TYRO3: variants seen among roughly 807,000 people sequenced by gnomAD.
The protein encoded by TYRO3 is TYRO3 protein tyrosine kinase.
TYRO3 carries 38 observed loss-of-function variants against 95.2 expected under a neutral mutation model. That is an observed-to-expected ratio of 0.40 (90% confidence interval 0.31 to 0.52). The LOEUF (loss-of-function observed/expected upper bound fraction) is 0.52. Ranked by LOEUF, TYRO3 falls within the 20% of genes least tolerant of loss-of-function variation. The pLI is 0.56. For missense variants in TYRO3, 812 were observed against 1,116.4 expected, an observed-to-expected ratio of 0.73 and a Z score of 3.89; for synonymous variants, 367 against 432.9, an observed-to-expected ratio of 0.85 and a Z score of 1.89.
chr15:41,561,455 G>A (rs1595498642), intron 2 of TYRO3, 84 bp from the exon 3 acceptor site: 2 of 1,507,058 alleles, frequency 1.3e-6, no homozygotes, highest in East Asian at 4.9e-5. Flanking sequence ...TTCCAGAAGT[G>A]GGGGCAGGCT....
chr15:41,563,497 C>T (rs955887906), intron 4 of TYRO3, among the ~76,000 whole-genome samples: 5 of 152,120 alleles, frequency 3.3e-5, no homozygotes, highest in Admixed American at 2.0e-4. Flanking sequence ...ACTATGAGAC[C>T]TCTTGGAAGC....
chr15:41,569,103 A>G lies in TYRO3; in HGVS notation c.1252+81A>G, dbSNP rs971945820. The G allele has an allele frequency of 6.0e-6, 9 of 1,503,168 alleles. No individual in the cohort carries two copies. In the African/African-American group the frequency reaches 9.6e-5, roughly 16 times the overall value. The allele number at this position is 1,503,168 out of a possible 1,614,324, so 93.1% of individuals were successfully genotyped here. ...CAACCTAGACTGATGGGAGGAGCCT[A>G]GTAGCATCTCCCCTCCTAGTAGACC... On this transcript the variant is annotated intron_variant, in intron 9 of 18. Coordinates refer to ENST00000263798, the MANE Select transcript of TYRO3 (RefSeq NM_006293.4).
Position 41,573,426 on chromosome 15 carries a change from G to A in TYRO3, c.2104G>A (p.Glu702Lys), listed in dbSNP as rs1241100163. The A allele has an allele frequency of 6.2e-7, 1 of 1,614,162 alleles. No homozygotes were observed. The highest frequency in any genetic ancestry group is 1.3e-5 in the African/African-American group (1 of 74,952). The change falls in exon 17 of 19, where the codon GAG becomes AAG. Residue 702 changes from glutamate (E) to lysine (K), a missense_variant. By Grantham distance (56) the Glu-to-Lys change is moderately conservative (BLOSUM62 1). Coordinates refer to ENST00000263798, the MANE Select transcript of TYRO3 (RefSeq NM_006293.4). ...SKLPVKWLALESLADNLYTVQ... is the reference protein window; with the variant it reads ...SKLPVKWLALKSLADNLYTVQ... ...ACTGCCTGTCAAGTGGCTGGCCCTGGAGAGCCTGGCCGACAACCTGTATAC... is the reference window on the plus strand; with the variant it reads ...ACTGCCTGTCAAGTGGCTGGCCCTGAAGAGCCTGGCCGACAACCTGTATAC...
intron 6 of TYRO3, among the ~76,000 whole-genome samples, chr15:41,565,974 T>A (rs2055718523): frequency 6.6e-6 from 1 of 152,088 alleles, no homozygotes; most frequent in African/African-American, 2.4e-5. Flanking sequence ...TCTGGGCAGT[T>A]CCCCTGGGCA....
At chr15:41,576,233 G>A (rs577683290) in intron 18 of TYRO3, among the ~76,000 whole-genome samples, 3 of 151,504 alleles carry the variant, frequency 2.0e-5, no homozygotes, top group South Asian at 2.1e-4. Flanking sequence ...TGCTCTTGTC[G>A]CCCAGGCTGG....
intron 2 of TYRO3, 104 bp downstream of exon 2, chr15:41,561,414 G>A (rs1293188923): frequency 6.5e-7 from 1 of 1,543,114 alleles, no homozygotes; most frequent in African/African-American, 1.4e-5. Flanking sequence ...CCAGAGGTCT[G>A]TGGTTTTTTT....
rs2055828599 is a variant in TYRO3 at position 41,573,723 on chromosome 15, G to A, written c.2190G>A (p.Gln730=). 1 of 1,614,178 alleles carries A rather than the reference G, an allele frequency of 6.2e-7. No individual in the cohort carries two copies. The highest frequency in any genetic ancestry group is 1.3e-5 in the African/African-American group (1 of 74,958). The change falls in exon 18 of 19, where the codon CAG becomes CAA. Residue 730 remains glutamine (Q), a synonymous_variant. Coordinates refer to ENST00000263798, the MANE Select transcript of TYRO3 (RefSeq NM_006293.4). ...TGTGGGAGATCATGACACGTGGGCA[G>A]ACGCCATATGCTGGCATCGAAAACG... ...VTMWEIMTRG[Q]TPYAGIENAE... is the part of the protein sequence containing the mutation.
At position 41,578,970 on chromosome 15, in the gene TYRO3, G is replaced by C. The variant is rs1314070617; in HGVS notation, c.*694G>C. ...AGCGTGCCGAGCCAGCAAGAGGAAG[G>C]GGTGCTGTGAGGCTTGCCCAGGAGC... is the stretch of plus-strand genomic sequence containing the variant. On this transcript the variant is annotated 3_prime_UTR_variant, in exon 19 of 19. Transcript: ENST00000263798. 1 of 153,634 alleles carries C rather than the reference G, an allele frequency of 6.5e-6. No individual in the cohort carries two copies. Among genetic ancestry groups the C allele is most frequent in the Admixed American group, 6.5e-5 (1 of 15,376 alleles). The allele number at this position is 153,634 out of a possible 1,614,324, so 9.5% of individuals were successfully genotyped here. A position where few individuals can be genotyped will look rare whatever the true frequency, so the allele number is the denominator to read the frequency against.
intron 10 of TYRO3, 23 bp downstream of exon 10, chr15:41,570,179 G>A (rs1444635461): frequency 1.0e-6 from 1 of 994,610 alleles, no homozygotes; most frequent in Non-Finnish European, 1.5e-6. Flanking sequence ...GGATGTGGAG[G>A]GAGAGGCAGG....
At chr15:41,576,959 C>T (rs1314776227) in intron 18 of TYRO3, among the ~76,000 whole-genome samples, 2 of 151,754 alleles carry the variant, frequency 1.3e-5, no homozygotes, top group South Asian at 2.1e-4. Flanking sequence ...CCACTGTGTC[C>T]GGCTGCACGG....
In TYRO3 at chr15:41,578,653, A is replaced by G. The variant is rs1287262843; in HGVS notation, c.*377A>G. 1 of 303,046 alleles carries G rather than the reference A, an allele frequency of 3.3e-6. No individual in the cohort carries two copies. Among genetic ancestry groups the G allele is most frequent in the African/African-American group, 2.2e-5 (1 of 45,958 alleles). The allele number at this position is 303,046 out of a possible 1,614,324, so 18.8% of individuals were successfully genotyped here. On this transcript the variant is annotated 3_prime_UTR_variant, in exon 19 of 19. Coordinates refer to ENST00000263798, the MANE Select transcript of TYRO3 (RefSeq NM_006293.4). ...TCCTGCTGAGCTGCCCCTGCTGCTTAAGTGCATGCATTGAGCTGCCTCCAG... is the reference window on the plus strand; with the variant it reads ...TCCTGCTGAGCTGCCCCTGCTGCTTGAGTGCATGCATTGAGCTGCCTCCAG...
chr15:41,573,185 T>G, intron 16 of TYRO3, 74 bp downstream of exon 16: 1 of 1,428,154 alleles, frequency 7.0e-7, no homozygotes, highest in Non-Finnish European at 9.6e-7. Context: ...GGTCGGCTCC[T>G]GCCTGGGACA....
chr15:41,575,480 G>T (rs1317569113), intron 18 of TYRO3, among the ~76,000 whole-genome samples: 1 of 152,230 alleles, frequency 6.6e-6, no homozygotes. Context: ...GTGGACAGGC[G>T]CCAGTTGGCT....
intron 5 of TYRO3, 21 bp downstream of exon 5, chr15:41,564,291 G>T (rs755473673): frequency 1.1e-5 from 18 of 1,576,390 alleles, no homozygotes; most frequent in Middle Eastern, 1.7e-4. Context: ...TGGCAGGGAG[G>T]AAGGGTGGAT....
Position 41,579,325 on chromosome 15 carries a change from G to C in TYRO3, c.*1049G>C, listed in dbSNP as rs951530792. The C allele has an allele frequency of 6.6e-5, 10 of 151,952 alleles. No individual in the cohort carries two copies. Among genetic ancestry groups the C allele is most frequent in the Admixed American group, 2.6e-4 (4 of 15,238 alleles). The allele number at this position is 151,952 out of a possible 1,614,324, so 9.4% of individuals were successfully genotyped here. A position where few individuals can be genotyped will look rare whatever the true frequency, so the allele number is the denominator to read the frequency against. ...TGTTTAAAATAGAAATAAAATTGAA[G>C]ACTAAAGACCTAAGGTTTTGTCTCT... On this transcript the variant is annotated 3_prime_UTR_variant, in exon 19 of 19. Transcript: ENST00000263798.
At chr15:41,559,507 T>C in intron 1 of TYRO3, 126 bp downstream of exon 1, 29 of 216,138 alleles carry the variant, frequency 1.3e-4, no homozygotes, top group Middle Eastern at 1.6e-3. Context: ...AGGCCGAGGC[T>C]CGGAGCCGGG....
In TYRO3 at chr15:41,581,157, T is replaced by C. The variant is rs2055918717; in HGVS notation, c.*2881T>C. The C allele has an allele frequency of 6.5e-6, 1 of 153,432 alleles. No individual in the cohort carries two copies. Among genetic ancestry groups the C allele is most frequent in the Non-Finnish European group, 1.5e-5 (1 of 68,058 alleles). The allele number at this position is 153,432 out of a possible 1,614,324, so 9.5% of individuals were successfully genotyped here. On this transcript the variant is annotated 3_prime_UTR_variant, in exon 19 of 19. Transcript: ENST00000263798. ...GTAAGCTGAGATCTTGCCACTAAACTTCGGCCTGGGTGACAGATTAAGACT... is the reference window on the plus strand; with the variant it reads ...GTAAGCTGAGATCTTGCCACTAAACCTCGGCCTGGGTGACAGATTAAGACT...
intron 18 of TYRO3, among the ~76,000 whole-genome samples, chr15:41,575,095 T>C (rs1394357809): frequency 1.3e-5 from 2 of 152,314 alleles, no homozygotes; most frequent in South Asian, 2.1e-4. Context: ...TTTCTTGCTC[T>C]GGGATTGGAC....
At chr15:41,573,960 C>T in intron 18 of TYRO3, 145 bp downstream of exon 18, 1 of 853,854 alleles carries the variant, frequency 1.2e-6, no homozygotes. Flanking sequence ...ACCTCATACT[C>T]ACTGTTCATC....
Sources: gnomAD v4.1 joint callset for allele counts (sites outside exome capture counted in the v4.1 genomes callset) on GRCh38, gnomAD v4.1.1 for gene constraint, MANE v1.5 for transcripts, NCBI Gene and HGNC (gene_info 2026-07-23, HGNC 2026-07-21) for gene names.